The following SAMD5 variants were observed in gnomAD, a reference collection of about 807,000 sequenced individuals.
SAMD5 encodes the protein sterile alpha motif domain containing 5.
A neutral mutation model predicts 11.3 loss-of-function variants in SAMD5; 13 were observed. The ratio of observed to expected loss-of-function variants is 1.15; its 90% confidence interval spans 0.75 to 1.83. The LOEUF (loss-of-function observed/expected upper bound fraction) is 1.83, where lower values mean the gene tolerates loss of function less well. Ranked by LOEUF, SAMD5 falls within the 40% of genes most tolerant of loss-of-function variation. The pLI is 0.00. For missense variants in SAMD5, 255 were observed against 239.1 expected (o/e 1.07, Z -0.44); for synonymous variants, 129 against 111.3 (o/e 1.16, Z -1.00).
intron 1 of SAMD5, among the ~76,000 whole-genome samples, chr6:147,512,109 C>T (rs1469316131): frequency 6.6e-6 from 1 of 152,126 alleles, no homozygotes; most frequent in African/African-American, 2.4e-5. Flanking sequence ...AGGCACCTGC[C>T]ACCACGCCCG....
the SAMD5 span, among the ~76,000 whole-genome samples, chr6:147,922,953 C>G: frequency 6.6e-6 from 1 of 152,030 alleles, no homozygotes; most frequent in Non-Finnish European, 1.5e-5. Flanking sequence ...CTTTCCTTCC[C>G]CCAACTCTGC....
chr6:147,877,928 T>A, the SAMD5 span, among the ~76,000 whole-genome samples: 14 of 6,932 alleles, frequency 2.0e-3, no homozygotes, highest in African/African-American at 0.013. Context: ...GCTAGCTAGA[T>A]AGATAGATAG....
chr6:147,943,499 G>A, the SAMD5 span, among the ~76,000 whole-genome samples: 22 of 151,724 alleles, frequency 1.5e-4, no homozygotes, highest in South Asian at 4.2e-4. Flanking sequence ...TTTGCTCTGC[G>A]TATTTCATTC....
chr6:147,777,379 AC>A, the SAMD5 span, among the ~76,000 whole-genome samples: 1 of 152,036 alleles, frequency 6.6e-6, no homozygotes, highest in Non-Finnish European at 1.5e-5. Context: ...ATTTCGCTTG[AC>A]CTTTCAGAAG....
At chr6:147,870,129 A>T in the SAMD5 span, among the ~76,000 whole-genome samples, 1 of 152,114 alleles carries the variant, frequency 6.6e-6, no homozygotes. Context: ...GCCACCTTTC[A>T]AGGGCTCCAT....
intron 1 of SAMD5, among the ~76,000 whole-genome samples, chr6:147,686,972 G>A (rs991374111): frequency 6.6e-6 from 1 of 150,890 alleles, no homozygotes; most frequent in African/African-American, 2.4e-5. Flanking sequence ...CAATATTTTT[G>A]GCTTCTTGTA....
the SAMD5 span, among the ~76,000 whole-genome samples, chr6:147,865,378 G>A: frequency 6.6e-6 from 1 of 151,536 alleles, no homozygotes; most frequent in African/African-American, 2.4e-5. Context: ...GAGGGAGAGA[G>A]ATAGAGAGGG....
At chr6:147,812,347 GAA>G in the SAMD5 span, among the ~76,000 whole-genome samples, 1 of 151,846 alleles carries the variant, frequency 6.6e-6, no homozygotes, top group East Asian at 1.9e-4. Context: ...GTCAGTTTTT[GAA>G]AAAAAGAGTG....
chr6:147,812,157 T>A, the SAMD5 span, among the ~76,000 whole-genome samples: 1 of 152,158 alleles, frequency 6.6e-6, no homozygotes, highest in African/African-American at 2.4e-5. Context: ...GAGGACCAGT[T>A]AGGTTAGTCA....
At chr6:147,818,482 A>T in the SAMD5 span, among the ~76,000 whole-genome samples, 1 of 152,246 alleles carries the variant, frequency 6.6e-6, no homozygotes, top group Non-Finnish European at 1.5e-5. Context: ...AATAAAGAAC[A>T]CAATTTTAGT....
intron 1 of SAMD5, among the ~76,000 whole-genome samples, chr6:147,586,962 TATG>T (rs1789383634): frequency 6.6e-6 from 1 of 152,158 alleles, no homozygotes; most frequent in Non-Finnish European, 1.5e-5. Flanking sequence ...CAGTTTTATA[TATG>T]ATATTTTAAG....
chr6:147,867,955 G>A, the SAMD5 span, among the ~76,000 whole-genome samples: 1 of 152,138 alleles, frequency 6.6e-6, no homozygotes, highest in Non-Finnish European at 1.5e-5. Context: ...TTTTAAAAAA[G>A]ATTCTCCACT....
At position 147,711,264 on chromosome 6, in the gene SAMD5, C is replaced by T. The variant is rs1047305569; in HGVS notation, c.163-26053C>T. ...AAAGTGGGCCTCGGAGAGTTCAGCC[C>T]ATTGTCAGGGGTTTCACAGCTCGTA... On this transcript the variant is annotated intron_variant, in intron 1 of 1. Coordinates refer to the SAMD5 transcript ENST00000566741. The surrounding 1 kb of genome is among the most constrained non-coding windows in gnomAD (Gnocchi z 4.1). Among the ~76,000 whole-genome samples the T allele has an allele frequency of 1.3e-5, 2 of 152,124 alleles. No homozygotes were observed. Among genetic ancestry groups the T allele is most frequent in the African/African-American group, 4.8e-5 (2 of 41,426 alleles).
At chr6:147,570,510 C>T (rs917882984), downstream of SAMD5, among the ~76,000 whole-genome samples, 2 of 152,108 alleles carry the variant, frequency 1.3e-5, no homozygotes, top group Admixed American at 6.5e-5. Flanking sequence ...TACTTTCTGG[C>T]CTCAGGACCT....
the SAMD5 span, among the ~76,000 whole-genome samples, chr6:147,949,167 GTTTTTTATTATTTGCCTTTGACC>G: frequency 1.3e-5 from 2 of 152,248 alleles, no homozygotes; most frequent in South Asian, 4.1e-4. Context: ...CGTGCTGAGA[GTTTTTTATTATTTGCCTTTGACC>G]TTATTGGACA....
intron 1 of SAMD5, among the ~76,000 whole-genome samples, chr6:147,553,352 C>T (rs1294237087): frequency 6.6e-6 from 1 of 152,170 alleles, no homozygotes; most frequent in Non-Finnish European, 1.5e-5. Flanking sequence ...TCTGTCCTGG[C>T]AGGAAGGGAT....
At chr6:147,666,396 A>G (rs189314705) in intron 1 of SAMD5, among the ~76,000 whole-genome samples, 292 of 152,338 alleles carry the variant, frequency 1.9e-3, no homozygotes, top group Admixed American at 3.1e-3. Context: ...TCCCAAAACG[A>G]CTTCATTCAC....
intron 1 of SAMD5, among the ~76,000 whole-genome samples, chr6:147,588,160 T>G (rs1374491936): frequency 1.3e-5 from 2 of 151,554 alleles, no homozygotes; most frequent in Admixed American, 6.6e-5. Flanking sequence ...TAAATCTCCC[T>G]CATTCATTCT....
intron 1 of SAMD5, among the ~76,000 whole-genome samples, chr6:147,614,118 C>G (rs758820987): frequency 3.9e-5 from 6 of 151,900 alleles, no homozygotes; most frequent in Non-Finnish European, 7.4e-5. Flanking sequence ...GTAAGATCAG[C>G]AAGATTTGTG....
Sources: allele counts gnomAD v4.1 joint callset (sites outside exome capture counted in the v4.1 genomes callset), GRCh38; gene constraint gnomAD v4.1.1; non-coding constraint Gnocchi (gnomAD v3.1); transcripts MANE v1.5; gene names NCBI Gene and HGNC (gene_info 2026-07-23, HGNC 2026-07-21).